Variants in CYRIB observed in about 807,000 individuals in gnomAD.
CYRIB encodes CYFIP related Rac1 interactor B.
In CYRIB, 8 loss-of-function variants were observed where a neutral mutation model predicts 44.2. The observed-to-expected ratio is 0.18, with a 90% CI of 0.11 to 0.33. The LOEUF is 0.33. Among genes scored for constraint, CYRIB ranks in the 10% least tolerant of loss-of-function variants. The pLI, the probability that CYRIB is intolerant of heterozygous loss-of-function variation, is 1.00. For missense variants in CYRIB, 185 were observed against 382.8 expected, an observed-to-expected ratio of 0.48 and a Z score of 4.31; for synonymous variants, 131 against 127.2, an observed-to-expected ratio of 1.03 and a Z score of -0.20.
At chr8:129,846,312 G>C (rs888623286) in intron 11 of CYRIB, among the ~76,000 whole-genome samples, 3 of 152,130 alleles carry the variant, frequency 2.0e-5, no homozygotes, top group African/African-American at 7.2e-5. Flanking sequence ...GAAAGAGCTA[G>C]TTACAAGCCA....
intron 1 of CYRIB, among the ~76,000 whole-genome samples, chr8:130,004,078 C>G (rs2096972878): frequency 6.6e-6 from 1 of 152,204 alleles, no homozygotes. Flanking sequence ...TCTGTCCACT[C>G]TGTCTCTCAC....
intron 1 of CYRIB, among the ~76,000 whole-genome samples, chr8:129,936,704 CTTTTT>C (rs397893033): frequency 4.2e-5 from 5 of 118,240 alleles, no homozygotes; most frequent in African/African-American, 3.4e-5. Context: ...ATATAGCAGT[CTTTTT>C]TTTTTTTTTT....
chr8:129,866,524 C>T (rs1002779411), intron 4 of CYRIB, among the ~76,000 whole-genome samples: 1 of 151,682 alleles, frequency 6.6e-6, no homozygotes, highest in Non-Finnish European at 1.5e-5. Context: ...ACTTAAATCA[C>T]ACATTTTGAC....
intron 2 of CYRIB, among the ~76,000 whole-genome samples, chr8:129,964,895 T>A (rs772668495): frequency 6.6e-6 from 1 of 151,968 alleles, no homozygotes; most frequent in African/African-American, 2.4e-5. Flanking sequence ...GAAAAGAAAA[T>A]GAGATTTGTC....
At position 129,965,455 on chromosome 8, in the gene CYRIB, C is replaced by A. The variant is rs185588385; in HGVS notation, c.-243+5488G>T. 1.5e-3 allele frequency among the ~76,000 whole-genome samples: 225 copies of A among 152,264 alleles called. 2 individuals carry two copies. The highest frequency in any genetic ancestry group is 5.1e-3 in the African/African-American group (213 of 41,550). On this transcript the variant is annotated intron_variant, in intron 2 of 14. Transcript: ENST00000401979. ...TATCCTGAAAATCATTCCTTCTTAG[C>A]AGATATGACCTACTATTTTAAACAA...
chr8:129,998,968 C>T (rs1241620922), intron 1 of CYRIB, among the ~76,000 whole-genome samples: 2 of 152,116 alleles, frequency 1.3e-5, no homozygotes. Context: ...AACAGAGAGC[C>T]AGGAAGCTCA....
chr8:129,942,856 T>A (rs1039159553), upstream of CYRIB, among the ~76,000 whole-genome samples: 6 of 152,194 alleles, frequency 3.9e-5, no homozygotes, highest in African/African-American at 1.4e-4. Flanking sequence ...CGAAACTCCG[T>A]ATGTGACAGA....
At chr8:129,931,503 C>T (rs1564114645) in intron 1 of CYRIB, among the ~76,000 whole-genome samples, 2 of 152,180 alleles carry the variant, frequency 1.3e-5, no homozygotes, top group African/African-American at 2.4e-5. Context: ...AAGTGACCAA[C>T]TCATCTTTGA....
At chr8:129,848,264 C>A (rs1297204764) in intron 10 of CYRIB, among the ~76,000 whole-genome samples, 1 of 152,152 alleles carries the variant, frequency 6.6e-6, no homozygotes, top group Non-Finnish European at 1.5e-5. Flanking sequence ...TTTCTCTTTA[C>A]ATATGACAGG....
chr8:129,890,847 T>G lies in CYRIB; in HGVS notation c.-10-11376A>C, dbSNP rs569519285. Among the ~76,000 whole-genome samples the G allele has an allele frequency of 2.0e-5, 3 of 151,238 alleles. No individual in the cohort carries two copies. In the South Asian group the frequency reaches 6.3e-4, roughly 32 times the overall value. On this transcript the variant is annotated intron_variant, in intron 2 of 11. Coordinates refer to ENST00000519824, the Ensembl canonical transcript of CYRIB. The stretch of plus-strand genomic sequence containing the variant: ...GGCGGAGGCTGCAGTGAGTCAAGAT[T>G]GCACCACTGCACTCTACACTCTGCA...
chr8:129,981,393 T>C (rs1257796519), intron 1 of CYRIB, among the ~76,000 whole-genome samples: 1 of 152,180 alleles, frequency 6.6e-6, no homozygotes, highest in Admixed American at 6.5e-5. Flanking sequence ...TCAAAAGATC[T>C]GCCAACCTCA....
intron 6 of CYRIB, 71 bp from the exon 9 acceptor site, chr8:129,854,414 C>T: frequency 8.8e-7 from 1 of 1,135,812 alleles, no homozygotes; most frequent in Non-Finnish European, 1.3e-6. Flanking sequence ...AGTAAAAAAT[C>T]TTTAGTTTTA....
intron 1 of CYRIB, among the ~76,000 whole-genome samples, chr8:129,925,126 G>A (rs1032253125): frequency 1.4e-4 from 21 of 152,116 alleles, no homozygotes; most frequent in African/African-American, 4.6e-4. Flanking sequence ...GGCCGGGAGC[G>A]ATGGCTCATA....
intron 1 of CYRIB, among the ~76,000 whole-genome samples, chr8:129,909,568 AT>A (rs746234944): frequency 6.6e-6 from 1 of 151,968 alleles, no homozygotes; most frequent in Non-Finnish European, 1.5e-5. Flanking sequence ...GTTGTACCAC[AT>A]TTTTTCAAGC....
Position 129,950,571 on chromosome 8 carries a change from G to GAA in CYRIB, c.-243+20370_-243+20371dup, listed in dbSNP as rs1231298522. Among the ~76,000 whole-genome samples the GAA allele has an allele frequency of 7.2e-3, 925 of 128,096 alleles. 11 individuals carry two copies. The highest frequency in any genetic ancestry group is 0.024 in the African/African-American group (880 of 35,938). 84.0% of individuals were successfully genotyped at this position (128,096 alleles called of 152,430 possible). ...GGTGACAAAGCAAGACCATCTCAAA[G>GAA]AAAAAAAAAAAAATGAAGAAACTAA... On this transcript the variant is annotated intron_variant, in intron 2 of 14. Coordinates refer to the CYRIB transcript ENST00000401979.
chr8:129,943,091 C>CCCACCCACCCG (rs747939663), upstream of CYRIB, among the ~76,000 whole-genome samples: 1 of 132,544 alleles, frequency 7.5e-6, no homozygotes, highest in Non-Finnish European at 1.6e-5. Flanking sequence ...CGCCCACCCG[C>CCCACCCACCCG]CCCCCCGCAC....
At chr8:129,899,993 A>T (rs1007198282) in intron 2 of CYRIB, among the ~76,000 whole-genome samples, 30 of 152,176 alleles carry the variant, frequency 2.0e-4, no homozygotes, top group African/African-American at 5.5e-4. Flanking sequence ...AACATTAGTA[A>T]CTCCATTTTG....
At chr8:129,862,139 G>T in intron 5 of CYRIB, 90 bp downstream of exon 7, 1 of 903,782 alleles carries the variant, frequency 1.1e-6, no homozygotes, top group Admixed American at 2.1e-5. Flanking sequence ...GCCAAATTCA[G>T]CATTATGAAC....
intron 2 of CYRIB, among the ~76,000 whole-genome samples, chr8:129,956,252 T>G (rs1018984960): frequency 3.9e-5 from 6 of 152,122 alleles, no homozygotes; most frequent in Non-Finnish European, 7.4e-5. Context: ...GTCACTTCCA[T>G]TATCCCCACC....
Sources: gnomAD v4.1 joint callset for allele counts (sites outside exome capture counted in the v4.1 genomes callset) on GRCh38, gnomAD v4.1.1 for gene constraint, MANE v1.5 for transcripts, NCBI Gene and HGNC (gene_info 2026-07-23, HGNC 2026-07-21) for gene names.